The following LIPA variants were observed in gnomAD, a reference collection of about 807,000 sequenced individuals.
The protein encoded by LIPA is lipase A, lysosomal acid type, also known as lysosomal acid lipase/cholesteryl ester hydrolase.
Under a neutral mutation model 40.6 loss-of-function variants are expected in LIPA, and 26 were observed. That is an observed-to-expected ratio of 0.64 (90% confidence interval 0.47 to 0.89). The LOEUF (loss-of-function observed/expected upper bound fraction) is 0.89, where lower values mean the gene tolerates loss of function less well. Among genes scored for constraint, LIPA ranks in the 40% least tolerant of loss-of-function variants. The probability of loss-of-function intolerance (pLI) is 0.00; values close to 1 mark genes in which losing one functional copy is unlikely to be tolerated. For synonymous variants in LIPA, 188 were observed against 168.4 expected, an observed-to-expected ratio of 1.12 and a Z score of -0.90; for missense variants, 455 against 479.6, an observed-to-expected ratio of 0.95 and a Z score of 0.48.
intron 2 of LIPA, among the ~76,000 whole-genome samples, chr10:89,394,803 A>G (rs1303879567): frequency 6.6e-6 from 1 of 151,856 alleles, no homozygotes; most frequent in Non-Finnish European, 1.5e-5. Flanking sequence ...TTTTCTCGCT[A>G]TGTGGAGAAA....
intron 3 of LIPA, among the ~76,000 whole-genome samples, chr10:89,242,668 G>A (rs1842977140): frequency 6.6e-6 from 1 of 152,176 alleles, no homozygotes; most frequent in African/African-American, 2.4e-5. Context: ...AAGGAATGTG[G>A]TACCAAAAAA....
At chr10:89,384,788 A>G in intron 2 of LIPA, 1 of 1,402,386 alleles carries the variant, frequency 7.1e-7, no homozygotes, top group African/African-American at 1.4e-5. Flanking sequence ...AAATAGAATG[A>G]CTATGAAATT....
intron 2 of LIPA, chr10:89,403,601 CCTT>C: frequency 6.2e-7 from 1 of 1,614,038 alleles, no homozygotes; most frequent in African/African-American, 1.3e-5. Context: ...GCTTGAGCCT[CCTT>C]GGGTTCGTCT....
intron 1 of LIPA, among the ~76,000 whole-genome samples, chr10:89,300,338 A>C (rs1298868922): frequency 6.6e-6 from 1 of 152,206 alleles, no homozygotes; most frequent in African/African-American, 2.4e-5. Flanking sequence ...AATAAGTTCT[A>C]ATGTTTGATA....
intron 4 of LIPA, among the ~76,000 whole-genome samples, chr10:89,227,934 C>T (rs946126407): frequency 6.6e-6 from 1 of 152,186 alleles, no homozygotes; most frequent in African/African-American, 2.4e-5. Context: ...ATAACGTTTA[C>T]CCAGCAGCAC....
At chr10:89,353,340 G>A (rs1247729808) in intron 2 of LIPA, among the ~76,000 whole-genome samples, 1 of 152,138 alleles carries the variant, frequency 6.6e-6, no homozygotes, top group Admixed American at 6.5e-5. Flanking sequence ...GACTGGTAGG[G>A]AAACAATGCC....
intron 1 of LIPA, among the ~76,000 whole-genome samples, chr10:89,265,637 A>G (rs2133489266): frequency 6.6e-6 from 1 of 152,334 alleles, no homozygotes; most frequent in Non-Finnish European, 1.5e-5. Context: ...GTGAGTATTG[A>G]TAATATGCAG....
intron 2 of LIPA, chr10:89,403,133 A>G: frequency 6.2e-7 from 1 of 1,614,166 alleles, no homozygotes; most frequent in Non-Finnish European, 8.5e-7. Context: ...CTTCTGTCTT[A>G]CTGCATCACC....
intron 1 of LIPA, among the ~76,000 whole-genome samples, chr10:89,312,050 G>A (rs901654199): frequency 7.9e-5 from 12 of 151,262 alleles, no homozygotes; most frequent in Admixed American, 2.0e-4. Flanking sequence ...TTCCCTTTAC[G>A]TCTTCTTCCT....
intron 1 of LIPA, among the ~76,000 whole-genome samples, chr10:89,269,010 T>C (rs1169312495): frequency 6.7e-6 from 1 of 149,600 alleles, no homozygotes; most frequent in African/African-American, 2.5e-5. Context: ...ATAAAAATAC[T>C]TTAAATGATT....
At chr10:89,404,544 T>A (rs1473954140) in intron 2 of LIPA, 1 of 152,232 alleles carries the variant, frequency 6.6e-6, no homozygotes, top group South Asian at 2.1e-4. Context: ...TAGCCCCCCA[T>A]AACCTGTTAA....
At chr10:89,367,707 A>T (rs1326352922) in intron 2 of LIPA, among the ~76,000 whole-genome samples, 1 of 152,084 alleles carries the variant, frequency 6.6e-6, no homozygotes, top group Non-Finnish European at 1.5e-5. Flanking sequence ...AGCACCTATT[A>T]TGTGTGAGAG....
At chr10:89,258,143 AC>A (rs917190486) in intron 1 of LIPA, among the ~76,000 whole-genome samples, 3 of 152,186 alleles carry the variant, frequency 2.0e-5, no homozygotes, top group Non-Finnish European at 4.4e-5. Flanking sequence ...TGGGAAGTAG[AC>A]CCCCAATTGA....
chr10:89,405,592 C>A (rs536561534), intron 2 of LIPA: 1 of 152,304 alleles, frequency 6.6e-6, no homozygotes, highest in South Asian at 2.1e-4. Flanking sequence ...ACGCTACACT[C>A]CTCCGGAGGC....
intron 3 of LIPA, 106 bp downstream of exon 3, chr10:89,245,570 G>A (rs1190746214): frequency 2.0e-5 from 15 of 764,878 alleles, no homozygotes; most frequent in Admixed American, 6.9e-5. Context: ...TAGTGCTTTC[G>A]TCTAAAAATA....
At chr10:89,404,894 C>T (rs1428214296) in intron 2 of LIPA, 1 of 151,400 alleles carries the variant, frequency 6.6e-6, no homozygotes, top group African/African-American at 2.4e-5. Flanking sequence ...CCAGGGAGTT[C>T]GAGGCTGCAG....
At chr10:89,306,096 G>T (rs373422979) in intron 1 of LIPA, 2 of 1,614,096 alleles carry the variant, frequency 1.2e-6, no homozygotes, top group South Asian at 2.2e-5. Context: ...TTTCAGAATC[G>T]TGAATTCAAA....
chr10:89,239,452 C>T (rs148457656), intron 3 of LIPA, among the ~76,000 whole-genome samples: 154 of 152,360 alleles, frequency 1.0e-3, no homozygotes, highest in African/African-American at 3.4e-3. Context: ...CAGGGCACAG[C>T]GCTTGGCCTG....
chr10:89,332,373 G>A, intron 1 of LIPA: 1 of 849,260 alleles, frequency 1.2e-6, no homozygotes, highest in Non-Finnish European at 1.6e-6. Context: ...TCAAACCACA[G>A]TTTTCCAAAT....
Sources: gnomAD v4.1 joint callset for allele counts (sites outside exome capture counted in the v4.1 genomes callset) on GRCh38, gnomAD v4.1.1 for gene constraint, MANE v1.5 for transcripts, NCBI Gene and HGNC (gene_info 2026-07-23, HGNC 2026-07-21) for gene names.